Variants in DLG2 observed in about 807,000 individuals in gnomAD.
DLG2 encodes discs large MAGUK scaffold protein 2.
Under a neutral mutation model 132.5 loss-of-function variants are expected in DLG2, and 45 were observed. The ratio of observed to expected loss-of-function variants is 0.34; its 90% CI spans 0.27 to 0.44. The LOEUF (loss-of-function observed/expected upper bound fraction) is 0.44. Among genes scored for constraint, DLG2 ranks in the 20% least tolerant of loss-of-function variants. The pLI, the probability that DLG2 is intolerant of heterozygous loss-of-function variation, is 1.00. For synonymous variants in DLG2, 424 were observed against 419.6 expected, an observed-to-expected ratio of 1.01 and a Z score of -0.13; for missense variants, 1,045 against 1,196.9, an observed-to-expected ratio of 0.87 and a Z score of 1.87.
At chr11:84,850,327 C>A (rs184204432) in intron 6 of DLG2, among the ~76,000 whole-genome samples, 11 of 152,230 alleles carry the variant, frequency 7.2e-5, no homozygotes, top group Admixed American at 5.9e-4. Flanking sequence ...GAGGAAGAGT[C>A]TGAATTGCTA....
At chr11:84,805,339 C>T (rs545146790) in intron 6 of DLG2, among the ~76,000 whole-genome samples, 2 of 151,962 alleles carry the variant, frequency 1.3e-5, no homozygotes, top group South Asian at 4.2e-4. Flanking sequence ...TACAGAATTA[C>T]ATAGAAAATC....
At chr11:85,251,638 T>C (rs942217905) in intron 4 of DLG2, among the ~76,000 whole-genome samples, 2 of 152,180 alleles carry the variant, frequency 1.3e-5, no homozygotes, top group African/African-American at 4.8e-5. Context: ...TGATCCACTA[T>C]GCCAGAGGAA....
intron 6 of DLG2, among the ~76,000 whole-genome samples, chr11:85,075,326 A>T (rs1166959313): frequency 1.3e-5 from 2 of 151,912 alleles, no homozygotes; most frequent in African/African-American, 4.8e-5. Flanking sequence ...AAGAAGACTT[A>T]CCTACATACT....
intron 6 of DLG2, among the ~76,000 whole-genome samples, chr11:84,647,378 T>A (rs2154546023): frequency 6.6e-6 from 1 of 152,274 alleles, no homozygotes; most frequent in Non-Finnish European, 1.5e-5. Flanking sequence ...ATAATTAATA[T>A]TGGGCCATAA....
At chr11:85,351,749 G>A (rs1177066371) in intron 3 of DLG2, among the ~76,000 whole-genome samples, 1 of 152,178 alleles carries the variant, frequency 6.6e-6, no homozygotes. Flanking sequence ...TCGCATCCCA[G>A]GGATGAAGCA....
chr11:84,589,658 T>G (rs562517835), intron 6 of DLG2, among the ~76,000 whole-genome samples: 1 of 152,212 alleles, frequency 6.6e-6, no homozygotes, highest in Non-Finnish European at 1.5e-5. Context: ...TCTTCTATTA[T>G]AACATGCATC....
intron 3 of DLG2, among the ~76,000 whole-genome samples, chr11:85,479,167 G>C (rs1463693911): frequency 6.6e-6 from 1 of 152,122 alleles, no homozygotes; most frequent in East Asian, 1.9e-4. Context: ...TAGTCCATTT[G>C]GGCTACTATA....
At chr11:85,568,730 C>T (rs184680095) in intron 3 of DLG2, among the ~76,000 whole-genome samples, 44 of 152,048 alleles carry the variant, frequency 2.9e-4, no homozygotes, top group Admixed American at 2.7e-3. Flanking sequence ...TCTTATAATC[C>T]TTATTTCTGT....
chr11:84,936,423 A>C (rs1244040343), intron 6 of DLG2, among the ~76,000 whole-genome samples: 1 of 152,152 alleles, frequency 6.6e-6, no homozygotes, highest in Non-Finnish European at 1.5e-5. Flanking sequence ...TTCACTTATA[A>C]AAATTTATGA....
At chr11:85,211,885 T>C (rs2082276595) in intron 4 of DLG2, among the ~76,000 whole-genome samples, 1 of 152,114 alleles carries the variant, frequency 6.6e-6, no homozygotes, top group Non-Finnish European at 1.5e-5. Context: ...CTACATCTAT[T>C]ATATTAACTG....
chr11:85,357,687 C>T (rs2083819060), intron 3 of DLG2, among the ~76,000 whole-genome samples: 1 of 131,246 alleles, frequency 7.6e-6, no homozygotes, highest in Non-Finnish European at 1.6e-5. Context: ...GTACAATACG[C>T]CAGGCACTGT....
intron 6 of DLG2, among the ~76,000 whole-genome samples, chr11:84,759,902 T>A (rs992375391): frequency 3.3e-5 from 5 of 152,186 alleles, no homozygotes; most frequent in African/African-American, 1.2e-4. Flanking sequence ...GTAGTAACTA[T>A]GGTATCGGTG....
chr11:84,440,625 G>C (rs1309945363), intron 7 of DLG2, among the ~76,000 whole-genome samples: 1 of 152,136 alleles, frequency 6.6e-6, no homozygotes, highest in Non-Finnish European at 1.5e-5. Flanking sequence ...AAATTTTTCA[G>C]ACATTTTCCA....
chr11:85,408,373 T>C (rs1486046092), intron 3 of DLG2, among the ~76,000 whole-genome samples: 2 of 150,840 alleles, frequency 1.3e-5, no homozygotes, highest in African/African-American at 4.9e-5. Context: ...CTATTGTAAA[T>C]TGTTTTGTAC....
At chr11:85,432,360 G>T (rs2091241935) in intron 3 of DLG2, among the ~76,000 whole-genome samples, 1 of 151,974 alleles carries the variant, frequency 6.6e-6, no homozygotes, top group South Asian at 2.1e-4. Flanking sequence ...TCAGAATCTG[G>T]GTAATAACAA....
At chr11:83,506,859 C>A (rs1168969435) in intron 21 of DLG2, among the ~76,000 whole-genome samples, 1 of 152,160 alleles carries the variant, frequency 6.6e-6, no homozygotes, top group Non-Finnish European at 1.5e-5. Flanking sequence ...TGTGCATGCA[C>A]CTTTCATTGC....
In DLG2 at chr11:85,032,669, G is replaced by C. The variant is rs1566694596; in HGVS notation, c.357+78992C>G. On this transcript the variant is annotated intron_variant, in intron 6 of 27. Transcript: ENST00000376104. ...TTGGTTATCCATTCAGTGATAAGAA[G>C]TAAATTATAGCCTATCACTTCTAGT... Among the ~76,000 whole-genome samples the C allele has an allele frequency of 2.0e-5, 3 of 152,248 alleles. No individual in the cohort carries two copies. The South Asian group carries it at 6.2e-4, about 32-fold the overall frequency.
chr11:84,487,865 G>A (rs12276848), intron 7 of DLG2, among the ~76,000 whole-genome samples: 24,370 of 152,026 alleles, frequency 0.16, 2,698 homozygotes, highest in African/African-American at 0.31. Flanking sequence ...CAGTTGGGGC[G>A]AAAGTGGGAG....
At chr11:83,597,454 G>A (rs547849235) in intron 19 of DLG2, among the ~76,000 whole-genome samples, 10 of 152,248 alleles carry the variant, frequency 6.6e-5, no homozygotes, top group African/African-American at 1.4e-4. Flanking sequence ...TTGGGAGGCC[G>A]AGGTGGCAGG....
Sources: allele counts gnomAD v4.1 joint callset (sites outside exome capture counted in the v4.1 genomes callset), GRCh38; gene constraint gnomAD v4.1.1; transcripts MANE v1.5; gene names NCBI Gene and HGNC (gene_info 2026-07-23, HGNC 2026-07-21).